Variants in CNTNAP3B observed in about 807,000 individuals in gnomAD.
The protein encoded by CNTNAP3B is contactin-associated protein-like 3B.
In CNTNAP3B, 25 loss-of-function variants were observed where a neutral mutation model predicts 108.9. That is an observed-to-expected ratio of 0.23 (90% CI 0.17 to 0.32). The LOEUF is 0.32. Among genes scored for constraint, CNTNAP3B ranks in the 10% least tolerant of loss-of-function variants. The probability of loss-of-function intolerance (pLI) is 1.00; values close to 1 mark genes in which losing one functional copy is unlikely to be tolerated. For missense variants in CNTNAP3B, 252 were observed against 1,210.4 expected (o/e 0.21, Z 11.75); for synonymous variants, 103 against 473.4 (o/e 0.22, Z 10.16).
intron 14 of CNTNAP3B, among the ~76,000 whole-genome samples, chr9:41,934,467 C>T (rs1165294357): frequency 7.5e-4 from 115 of 152,352 alleles, no homozygotes; most frequent in African/African-American, 2.7e-3. Context: ...GTGATCTGCC[C>T]GCCTCGGCCT....
chr9:41,961,245 A>G (rs1825080945), intron 11 of CNTNAP3B, among the ~76,000 whole-genome samples: 1 of 152,306 alleles, frequency 6.6e-6, no homozygotes, highest in African/African-American at 2.4e-5. Context: ...ATGCGATACT[A>G]TCTTCAATAG....
rs1360587884 is a variant in CNTNAP3B, at chr9:42,107,053, G to C, written c.86-2314C>G. On this transcript the variant is annotated intron_variant, in intron 1 of 23. Transcript: ENST00000377561. ...GCACTGGGCGTTTCACGTGTCCCTGGATTCCTGCAGTATCATGCGATACAT... is the reference window on the plus strand; with the variant it reads ...GCACTGGGCGTTTCACGTGTCCCTGCATTCCTGCAGTATCATGCGATACAT... Among the ~76,000 whole-genome samples the C allele has an allele frequency of 7.7e-5, 7 of 91,502 alleles. 2 individuals are homozygous for C. The highest frequency in any genetic ancestry group is 2.1e-4 in the African/African-American group (5 of 23,944). The allele number at this position is 91,502 out of a possible 152,430, so 60.0% of individuals were successfully genotyped here.
intron 11 of CNTNAP3B, among the ~76,000 whole-genome samples, chr9:41,962,989 AT>A (rs1225327554): frequency 6.6e-6 from 1 of 152,042 alleles, no homozygotes; most frequent in Non-Finnish European, 1.5e-5. Context: ...AAAAAAGAAA[AT>A]GTGTCACAGC....
chr9:42,085,232 T>C (rs999058444), intron 2 of CNTNAP3B, among the ~76,000 whole-genome samples: 8 of 151,928 alleles, frequency 5.3e-5, no homozygotes, highest in Non-Finnish European at 2.9e-5. Flanking sequence ...TTTCTACCAA[T>C]GGTTACATCT....
intron 1 of CNTNAP3B, among the ~76,000 whole-genome samples, chr9:42,124,304 A>C (rs1248349670): frequency 7.6e-6 from 1 of 132,034 alleles, no homozygotes; most frequent in Non-Finnish European, 1.6e-5. Context: ...ATTTCATTAT[A>C]AAATTTTAAC....
chr9:41,943,348 T>G (rs906135315), intron 13 of CNTNAP3B, among the ~76,000 whole-genome samples: 3 of 490 alleles, frequency 6.1e-3, no homozygotes, highest in African/African-American at 0.026. Flanking sequence ...GACAATAATT[T>G]TTTTTTTTTT....
rs572669368 is a variant in CNTNAP3B, at chr9:42,063,705, G to A, written c.390+13164C>T. Among the ~76,000 whole-genome samples, 8 of 134,894 alleles carry A rather than the reference G, an allele frequency of 5.9e-5. 1 individual carries two copies. The highest frequency in any genetic ancestry group is 2.4e-4 in the African/African-American group (8 of 33,154). The allele number at this position is 134,894 out of a possible 152,430, so 88.5% of individuals were successfully genotyped here. A position where few individuals can be genotyped will look rare whatever the true frequency, so the allele number is the denominator to read the frequency against. On this transcript the variant is annotated intron_variant, in intron 3 of 23. Coordinates refer to ENST00000377561, the MANE Select transcript of CNTNAP3B (RefSeq NM_001201380.3). ...GCTCCCTCCCTCCTTCCTTGTTTCTGCTACTGTTTCCTCTCTCTCTATATC... is the reference window on the plus strand; with the variant it reads ...GCTCCCTCCCTCCTTCCTTGTTTCTACTACTGTTTCCTCTCTCTCTATATC...
At chr9:41,925,683 C>T (rs1206657901) in intron 15 of CNTNAP3B, among the ~76,000 whole-genome samples, 1 of 152,304 alleles carries the variant, frequency 6.6e-6, no homozygotes, top group Non-Finnish European at 1.5e-5. Context: ...TTATTCACGT[C>T]ACTCTTGAAT....
intron 9 of CNTNAP3B, among the ~76,000 whole-genome samples, chr9:41,981,880 C>T (rs1241599916): frequency 2.5e-4 from 11 of 43,434 alleles, no homozygotes; most frequent in Non-Finnish European, 3.7e-4. Context: ...AACGAGACCT[C>T]GTCTCTACAA....
intron 3 of CNTNAP3B, among the ~76,000 whole-genome samples, chr9:42,068,016 A>C (rs1827311177): frequency 7.2e-6 from 1 of 139,724 alleles, no homozygotes. Context: ...GTAGAAAAAC[A>C]CCCCTGCTCA....
intron 13 of CNTNAP3B, among the ~76,000 whole-genome samples, chr9:41,951,719 G>A (rs62536509): frequency 5.9e-3 from 892 of 150,298 alleles, no homozygotes; most frequent in South Asian, 0.024. Context: ...CCAGGGGAGA[G>A]AGGGATCACC....
chr9:41,958,252 T>C (rs1462092422), intron 12 of CNTNAP3B, among the ~76,000 whole-genome samples: 3 of 152,304 alleles, frequency 2.0e-5, no homozygotes, highest in Non-Finnish European at 4.4e-5. Context: ...GGACTACAGA[T>C]ACATGTCACC....
In CNTNAP3B at chr9:42,126,657, C is replaced by T. The variant is rs1382542356; in HGVS notation, c.85+2353G>A. 8.1e-5 allele frequency among the ~76,000 whole-genome samples: 11 copies of T among 135,000 alleles called. 1 individual carries two copies. Among genetic ancestry groups the T allele is most frequent in the Admixed American group, 2.2e-4 (3 of 13,478 alleles). The allele number at this position is 135,000 out of a possible 152,430, so 88.6% of individuals were successfully genotyped here. ...GGATCTCGGCTCACTGCAACCTCCA[C>T]CTCCCAGGTTCAAGCGATTCTCCTG... On this transcript the variant is annotated intron_variant, in intron 1 of 23. Transcript: ENST00000377561.
At chr9:41,934,329 C>T (rs1824087543) in intron 14 of CNTNAP3B, among the ~76,000 whole-genome samples, 3 of 152,114 alleles carry the variant, frequency 2.0e-5, no homozygotes, top group Non-Finnish European at 4.4e-5. Context: ...TGCCATTCTC[C>T]TGCCTCAGCC....
chr9:41,951,106 A>G (rs1259270341), intron 13 of CNTNAP3B, among the ~76,000 whole-genome samples: 1 of 129,874 alleles, frequency 7.7e-6, no homozygotes, highest in African/African-American at 2.9e-5. Context: ...GACTGTATGG[A>G]TGTCAAGATT....
intron 18 of CNTNAP3B, among the ~76,000 whole-genome samples, chr9:41,916,558 C>T (rs1225293226): frequency 1.3e-5 from 2 of 151,410 alleles, no homozygotes; most frequent in East Asian, 1.9e-4. Context: ...GATATATTTA[C>T]TATCTTTTAT....
intron 2 of CNTNAP3B, among the ~76,000 whole-genome samples, chr9:42,090,810 C>A (rs1219095525): frequency 1.3e-5 from 1 of 77,090 alleles, no homozygotes; most frequent in Non-Finnish European, 2.6e-5. Flanking sequence ...TCACACTGAC[C>A]GTATATATGT....
intron 14 of CNTNAP3B, among the ~76,000 whole-genome samples, chr9:41,934,126 C>T (rs1436773533): frequency 0.058 from 1,183 of 20,412 alleles, 9 homozygotes; most frequent in African/African-American, 0.12. Context: ...TATATATACA[C>T]ACACATATAT....
chr9:41,941,316 T>C (rs2118083916), intron 13 of CNTNAP3B, among the ~76,000 whole-genome samples: 1 of 144,132 alleles, frequency 6.9e-6, no homozygotes, highest in Admixed American at 6.9e-5. Flanking sequence ...AGAAACTCAC[T>C]TCAAAATAAA....
Sources: allele counts gnomAD v4.1 joint callset (sites outside exome capture counted in the v4.1 genomes callset), GRCh38; gene constraint gnomAD v4.1.1; transcripts MANE v1.5; gene names NCBI Gene and HGNC (gene_info 2026-07-23, HGNC 2026-07-21).